The following LEPR variants were observed in gnomAD, a reference collection of about 807,000 sequenced individuals.
LEPR encodes the protein OB receptor.
A neutral mutation model predicts 114.7 loss-of-function variants in LEPR; 56 were observed. That is an observed-to-expected ratio of 0.49 (90% CI 0.39 to 0.61). The LOEUF (loss-of-function observed/expected upper bound fraction) is 0.61, where lower values mean the gene tolerates loss of function less well. LEPR is among the 20% of genes least tolerant of loss of function. The pLI is 0.00. For synonymous variants in LEPR, 443 were observed against 461.4 expected, an observed-to-expected ratio of 0.96 and a Z score of 0.51; for missense variants, 1,202 against 1,352.9, an observed-to-expected ratio of 0.89 and a Z score of 1.75.
rs1650383162 is a variant in LEPR at position 65,531,390 on chromosome 1, A to G, written c.-20-34156A>G. On this transcript the variant is annotated intron_variant, in intron 2 of 19. Transcript: ENST00000349533. Reference sequence around the variant, plus strand: ...ATTCCATATCTTCTTACCTTGTAATATATTCTTTTTCCTTTCCTTTCCTTT... The same window carrying G: ...ATTCCATATCTTCTTACCTTGTAATGTATTCTTTTTCCTTTCCTTTCCTTT... Among the ~76,000 whole-genome samples, 4 of 140,874 alleles carry G rather than the reference A, an allele frequency of 2.8e-5. No homozygotes were observed. The South Asian group carries it at 9.9e-4, about 35-fold the overall frequency. 92.4% of individuals were successfully genotyped at this position (140,874 alleles called of 152,430 possible). A position where few individuals can be genotyped will look rare whatever the true frequency, so the allele number is the denominator to read the frequency against.
chr1:65,564,532 A>G (rs1038706409), intron 2 of LEPR, among the ~76,000 whole-genome samples: 8 of 91,962 alleles, frequency 8.7e-5, no homozygotes, highest in Admixed American at 6.4e-4. Context: ...TCATGCTGGG[A>G]GCTGTAGACC....
At chr1:65,448,822 A>T (rs959730803) in intron 2 of LEPR, among the ~76,000 whole-genome samples, 3 of 152,218 alleles carry the variant, frequency 2.0e-5, no homozygotes, top group Admixed American at 2.0e-4. Flanking sequence ...AAAGTTGTTC[A>T]TAGTTGTCCA....
In LEPR at chr1:65,610,040, C is replaced by T. The variant is rs1051488280; in HGVS notation, c.1846C>T (p.Leu616=). 6.2e-7 allele frequency: 1 copy of T among 1,614,182 alleles called. No individual in the cohort carries two copies. The highest frequency in any genetic ancestry group is 1.7e-5 in the Admixed American group (1 of 60,020). ...TGCTGTTCAGGTGCGCTGTAAGAGG[C>T]TAGATGGACTGGGATATTGGAGTAA... ...VYAVQVRCKR[L]DGLGYWSNWS... is the part of the protein sequence containing the mutation. Residue 616 remains leucine, a synonymous_variant, in exon 13 of 20, where the codon CTA becomes TTA. Coordinates refer to ENST00000349533, the MANE Select transcript of LEPR (RefSeq NM_002303.6).
At chr1:65,575,479 C>T (rs890427416) in intron 5 of LEPR, among the ~76,000 whole-genome samples, 1 of 151,228 alleles carries the variant, frequency 6.6e-6, no homozygotes, top group Admixed American at 6.6e-5. Context: ...CAAAAAGATC[C>T]TTTATTTCAT....
At chr1:65,573,532 G>A (rs1003776808) in intron 5 of LEPR, among the ~76,000 whole-genome samples, 3 of 152,142 alleles carry the variant, frequency 2.0e-5, no homozygotes, top group East Asian at 1.9e-4. Flanking sequence ...CTCAAACAGC[G>A]AATATGTCAT....
rs1316767822 is a variant in LEPR at position 65,636,916 on chromosome 1, T to C, written c.3399T>C (p.Ser1133=). 30 of 1,607,958 alleles carry C rather than the reference T, an allele frequency of 1.9e-5. No individual in the cohort carries two copies. Among genetic ancestry groups the C allele is most frequent in the Non-Finnish European group, 2.5e-5 (30 of 1,177,640 alleles). Residue 1133 remains serine, a synonymous_variant, in exon 20 of 20, where the codon TCT becomes TCC. Transcript: ENST00000349533. ...AAAATAATATCAACTTAGGAACTTC[T>C]AGTAAGAAGACTTTTGCATCTTACA... ...FVENNINLGT[S]SKKTFASYMP...
At chr1:65,486,282 AT>A (rs760252711) in intron 2 of LEPR, 1 of 152,136 alleles carries the variant, frequency 6.6e-6, no homozygotes, top group Non-Finnish European at 1.5e-5. Flanking sequence ...ATTGGGTCTC[AT>A]TTTGTGCTCC....
At chr1:65,455,352 A>T (rs11208649) in intron 2 of LEPR, among the ~76,000 whole-genome samples, 4 of 151,750 alleles carry the variant, frequency 2.6e-5, no homozygotes, top group Non-Finnish European at 4.4e-5. Flanking sequence ...GGAGGAGGAG[A>T]GGTGCTCTGC....
chr1:65,636,328 A>G lies in LEPR; in HGVS notation c.2811A>G (p.Thr937=). The change falls in exon 20 of 20, where the codon ACA becomes ACG. Residue 937 remains threonine (T), a synonymous_variant. Transcript: ENST00000349533. The stretch of plus-strand genomic sequence containing the variant: ...AAAATAAAGATGAGATGATGCCAAC[A>G]ACTGTGGTCTCTCTACTTTCAACAA... ...SWKNKDEMMP[T]TVVSLLSTTD... 6.2e-7 allele frequency: 1 copy of G among 1,614,116 alleles called. No individual in the cohort carries two copies. The highest frequency in any genetic ancestry group is 8.5e-7 in the Non-Finnish European group (1 of 1,179,984).
intron 2 of LEPR, among the ~76,000 whole-genome samples, chr1:65,551,876 T>A (rs543382162): frequency 6.6e-6 from 1 of 152,262 alleles, no homozygotes; most frequent in South Asian, 2.1e-4. Flanking sequence ...CACCGCTTTA[T>A]ATATGTCCCA....
intron 2 of LEPR, among the ~76,000 whole-genome samples, chr1:65,552,403 A>T (rs926684130): frequency 4.6e-5 from 7 of 152,088 alleles, no homozygotes; most frequent in African/African-American, 1.7e-4. Context: ...TATTGGGTGC[A>T]TATATTTAGG....
intron 2 of LEPR, among the ~76,000 whole-genome samples, chr1:65,441,595 T>C (rs1002176622): frequency 3.7e-4 from 57 of 152,156 alleles, no homozygotes; most frequent in African/African-American, 1.3e-3. Flanking sequence ...TGTTAAGAGC[T>C]ATGGCCCACG....
chr1:65,443,637 A>G (rs1291170141), intron 2 of LEPR, among the ~76,000 whole-genome samples: 3 of 152,160 alleles, frequency 2.0e-5, no homozygotes, highest in Admixed American at 6.5e-5. Flanking sequence ...ATGAGTTCAT[A>G]TTGGACAGAG....
chr1:65,466,786 C>A (rs1390535360), intron 2 of LEPR, among the ~76,000 whole-genome samples: 1 of 152,152 alleles, frequency 6.6e-6, no homozygotes, highest in Non-Finnish European at 1.5e-5. Flanking sequence ...GATCTTCAAT[C>A]ACTGACATCC....
intron 2 of LEPR, among the ~76,000 whole-genome samples, chr1:65,499,973 AG>A (rs1370822759): frequency 2.0e-5 from 3 of 152,218 alleles, no homozygotes; most frequent in Non-Finnish European, 4.4e-5. Context: ...CCCACATGTC[AG>A]GGGAGGGAGC....
At chr1:65,518,873 TTTTCTTTCTTTCTTTCTTTCTTTC>T (rs55672943) in intron 2 of LEPR, among the ~76,000 whole-genome samples, 1 of 117,216 alleles carries the variant, frequency 8.5e-6, no homozygotes, top group Non-Finnish European at 1.8e-5. Flanking sequence ...CTTTCTTTCT[TTTTCTTTCTTTCTTTCTTTCTTTC>T]TTTCTTTCTT....
chr1:65,446,495 A>G (rs1416276253), intron 2 of LEPR, among the ~76,000 whole-genome samples: 1 of 152,184 alleles, frequency 6.6e-6, no homozygotes, highest in African/African-American at 2.4e-5. Context: ...CTTTACTGCA[A>G]CCTGTTTTAT....
At chr1:65,629,361 A>G in intron 19 of LEPR, 1 of 446,504 alleles carries the variant, frequency 2.2e-6, no homozygotes, top group Non-Finnish European at 4.5e-6. Context: ...CTGTGTTGTA[A>G]TTTGTCTGTG....
At chr1:65,542,830 A>ATATG (rs1365728572) in intron 2 of LEPR, among the ~76,000 whole-genome samples, 1 of 151,940 alleles carries the variant, frequency 6.6e-6, no homozygotes, top group Non-Finnish European at 1.5e-5. Flanking sequence ...TCCATGGTGT[A>ATATG]TATGTGCCAC....
Sources: allele counts gnomAD v4.1 joint callset (sites outside exome capture counted in the v4.1 genomes callset), GRCh38; gene constraint gnomAD v4.1.1; transcripts MANE v1.5; gene names NCBI Gene and HGNC (gene_info 2026-07-23, HGNC 2026-07-21).